AGBL1: variants seen among roughly 807,000 people sequenced by gnomAD.
AGBL1 encodes AGBL carboxypeptidase 1.
Under a neutral mutation model 118.9 loss-of-function variants are expected in AGBL1, and 130 were observed. The observed-to-expected ratio is 1.09, with a 90% CI of 0.95 to 1.26. AGBL1 has a LOEUF of 1.26. Among genes scored for constraint, AGBL1 ranks in the 50% most tolerant of loss-of-function variants. The pLI, the probability that AGBL1 is intolerant of heterozygous loss-of-function variation, is 0.00. For missense variants in AGBL1, 1,584 were observed against 1,298.1 expected (o/e 1.22, Z -3.38); for synonymous variants, 555 against 478.9 (o/e 1.16, Z -2.08).
At chr15:86,598,989 T>C (rs867654627) in intron 21 of AGBL1, among the ~76,000 whole-genome samples, 4 of 152,204 alleles carry the variant, frequency 2.6e-5, no homozygotes, top group Middle Eastern at 3.4e-3. Flanking sequence ...GTGTATAATA[T>C]TCCAGCTTTG....
At chr15:86,480,660 T>C (rs1392633047) in intron 18 of AGBL1, among the ~76,000 whole-genome samples, 1 of 152,080 alleles carries the variant, frequency 6.6e-6, no homozygotes, top group East Asian at 1.9e-4. Context: ...TAAATATATA[T>C]ACATATGAGA....
Position 86,912,464 on chromosome 15 carries a change from A to T in AGBL1, c.*5170A>T, listed in dbSNP as rs1410654815. On this transcript the variant is annotated 3_prime_UTR_variant, in exon 23 of 23. Transcript: ENST00000614907. ...CTGCCTGGGCTCTCCTTGCAATCCC[A>T]TCAATAAGAATCAGCATCCAAGAAT... 1 of 152,150 alleles carries T rather than the reference A, an allele frequency of 6.6e-6. No individual in the cohort carries two copies. The highest frequency in any genetic ancestry group is 1.9e-4 in the East Asian group (1 of 5,190). 9.4% of individuals were successfully genotyped at this position (152,150 alleles called of 1,614,324 possible). A position where few individuals can be genotyped will look rare whatever the true frequency, so the allele number is the denominator to read the frequency against.
At chr15:86,732,342 C>G (rs1255197425) in intron 22 of AGBL1, among the ~76,000 whole-genome samples, 1 of 152,204 alleles carries the variant, frequency 6.6e-6, no homozygotes, top group Non-Finnish European at 1.5e-5. Flanking sequence ...ATAATCTACT[C>G]CACCACAGCT....
At chr15:86,571,632 T>G (rs1302578265) in intron 21 of AGBL1, among the ~76,000 whole-genome samples, 1 of 152,202 alleles carries the variant, frequency 6.6e-6, no homozygotes, top group Non-Finnish European at 1.5e-5. Context: ...TCTCTGCAGC[T>G]GGTCATCCCT....
At chr15:86,904,284 C>A (rs752395764) in intron 22 of AGBL1, among the ~76,000 whole-genome samples, 1 of 152,100 alleles carries the variant, frequency 6.6e-6, no homozygotes, top group Admixed American at 6.5e-5. Context: ...TCCTGAGGCC[C>A]TGATACGGTC....
chr15:86,446,443 C>T (rs1567265102), intron 18 of AGBL1, among the ~76,000 whole-genome samples: 1 of 152,202 alleles, frequency 6.6e-6, no homozygotes, highest in Non-Finnish European at 1.5e-5. Flanking sequence ...CAAGTGAATG[C>T]TCTGAAGCCA....
chr15:86,932,731 A>G (rs913137057), intron 23 of AGBL1: 1 of 152,194 alleles, frequency 6.6e-6, no homozygotes, highest in African/African-American at 2.4e-5. Flanking sequence ...TGCTTACCAT[A>G]TAATGGCCCA....
Position 86,494,246 on chromosome 15 carries a change from T to C in AGBL1, c.2556-28564T>C, listed in dbSNP as rs892893194. Among the ~76,000 whole-genome samples the C allele has an allele frequency of 3.1e-4, 47 of 152,094 alleles. 1 individual carries two copies. Among genetic ancestry groups the C allele is most frequent in the African/African-American group, 1.1e-3 (47 of 41,454 alleles). The stretch of plus-strand genomic sequence containing the variant: ...AGGCATGGTTGATGTGGGGTCATGT[T>C]TGTAACAGAAGGTGACCTGTTTTAT... On this transcript the variant is annotated intron_variant, in intron 18 of 22. Transcript: ENST00000614907.
intron 1 of AGBL1, among the ~76,000 whole-genome samples, chr15:86,140,915 G>C (rs1259423681): frequency 1.3e-5 from 2 of 152,186 alleles, no homozygotes; most frequent in Non-Finnish European, 2.9e-5. Flanking sequence ...ATCATAAAGA[G>C]CTTTGGAAAT....
intron 19 of AGBL1, among the ~76,000 whole-genome samples, chr15:86,544,255 G>T (rs1370673141): frequency 6.6e-6 from 1 of 152,132 alleles, no homozygotes; most frequent in Non-Finnish European, 1.5e-5. Context: ...TATCAGCTAG[G>T]TCAATCGGGA....
At chr15:86,258,432 C>A (rs1364722291) in intron 9 of AGBL1, among the ~76,000 whole-genome samples, 1 of 152,168 alleles carries the variant, frequency 6.6e-6, no homozygotes, top group Admixed American at 6.5e-5. Context: ...AGGGGTGCTG[C>A]ATTGTACAAT....
intron 22 of AGBL1, among the ~76,000 whole-genome samples, chr15:86,889,154 C>T (rs1031402447): frequency 6.6e-6 from 1 of 151,862 alleles, no homozygotes; most frequent in Non-Finnish European, 1.5e-5. Flanking sequence ...ATAGTTTATC[C>T]TTATGTGGCT....
intron 14 of AGBL1, among the ~76,000 whole-genome samples, chr15:86,271,277 T>C (rs1278550819): frequency 6.6e-6 from 1 of 151,924 alleles, no homozygotes; most frequent in East Asian, 1.9e-4. Flanking sequence ...TTAGTCAGGA[T>C]GGTCTTGATC....
intron 23 of AGBL1, among the ~76,000 whole-genome samples, chr15:86,925,692 T>C (rs1208509615): frequency 6.6e-6 from 1 of 150,456 alleles, no homozygotes; most frequent in Admixed American, 6.6e-5. Flanking sequence ...TCTTTTCTTT[T>C]TTTCTTTTTT....
chr15:86,622,679 C>T (rs1387806704), intron 21 of AGBL1, among the ~76,000 whole-genome samples: 2 of 152,070 alleles, frequency 1.3e-5, no homozygotes, highest in Non-Finnish European at 2.9e-5. Context: ...TCTAGACCAG[C>T]AATCCTCAAC....
chr15:86,998,970 A>G (rs2081406735), intron 24 of AGBL1, among the ~76,000 whole-genome samples: 2 of 150,710 alleles, frequency 1.3e-5, no homozygotes, highest in African/African-American at 2.5e-5. Context: ...TCATTAACTC[A>G]TCATTTACAT....
At chr15:86,705,045 A>T (rs551012444) in intron 22 of AGBL1, among the ~76,000 whole-genome samples, 1 of 152,282 alleles carries the variant, frequency 6.6e-6, no homozygotes, top group Non-Finnish European at 1.5e-5. Context: ...GAAAAATCAA[A>T]CACTGCATGT....
chr15:86,237,306 G>C (rs1337648074), intron 6 of AGBL1, among the ~76,000 whole-genome samples: 1 of 152,214 alleles, frequency 6.6e-6, no homozygotes, highest in Non-Finnish European at 1.5e-5. Context: ...TCAGGGCCTA[G>C]AGGCACAATG....
chr15:86,710,825 C>T (rs186864571), intron 22 of AGBL1, among the ~76,000 whole-genome samples: 2 of 152,160 alleles, frequency 1.3e-5, no homozygotes, highest in Non-Finnish European at 2.9e-5. Context: ...GATAAGCAGA[C>T]AGTTTCAAGG....
Sources: allele counts gnomAD v4.1 joint callset (sites outside exome capture counted in the v4.1 genomes callset), GRCh38; gene constraint gnomAD v4.1.1; transcripts MANE v1.5; gene names NCBI Gene and HGNC (gene_info 2026-07-23, HGNC 2026-07-21).